Variants in USP32 observed in about 807,000 individuals in gnomAD.
USP32 encodes ubiquitin carboxyl-terminal hydrolase 32.
A neutral mutation model predicts 204.8 loss-of-function variants in USP32; 59 were observed. The ratio of observed to expected loss-of-function variants is 0.29; its 90% CI spans 0.23 to 0.36. The LOEUF is 0.36. Ranked by LOEUF, USP32 falls within the 10% of genes least tolerant of loss-of-function variation. USP32 has a pLI of 1.00. For synonymous variants in USP32, 517 were observed against 678.4 expected, an observed-to-expected ratio of 0.76 and a Z score of 3.70; for missense variants, 1,160 against 1,946.4, an observed-to-expected ratio of 0.60 and a Z score of 7.60.
intron 31 of USP32, among the ~76,000 whole-genome samples, chr17:60,182,646 C>T (rs542088161): frequency 9.2e-5 from 14 of 152,062 alleles, no homozygotes; most frequent in African/African-American, 2.7e-4. Flanking sequence ...GCCTGTAGTC[C>T]CAGCTACTCA....
In USP32 at chr17:60,246,413, A is replaced by ATAT. The variant is rs1203917798; in HGVS notation, c.1136+5967_1136+5968insATA. ...TATGTGTGTGTGTATATATATATAT[A>ATAT]TTTTTTTTTTTTCTTTATCCATTCA... is the stretch of plus-strand genomic sequence containing the variant. On this transcript the variant is annotated intron_variant, in intron 11 of 33. Coordinates refer to ENST00000300896, the MANE Select transcript of USP32 (RefSeq NM_032582.4). 5.2e-3 allele frequency among the ~76,000 whole-genome samples: 746 copies of ATAT among 142,720 alleles called. 7 individuals are homozygous for ATAT. Among genetic ancestry groups the ATAT allele is most frequent in the African/African-American group, 0.018 (684 of 38,484 alleles). The allele number at this position is 142,720 out of a possible 152,430, so 93.6% of individuals were successfully genotyped here.
At chr17:60,236,053 T>G (rs1598115361) in intron 12 of USP32, 85 bp downstream of exon 12, 241 of 1,034,962 alleles carry the variant, frequency 2.3e-4, no homozygotes, top group African/African-American at 1.6e-5. Context: ...TATTGGCTGG[T>G]AGTCATAGCA....
At chr17:60,388,859 T>C (rs535492373) in intron 1 of USP32, among the ~76,000 whole-genome samples, 2 of 152,226 alleles carry the variant, frequency 1.3e-5, no homozygotes, top group East Asian at 3.8e-4. Flanking sequence ...CTGAAGTCAC[T>C]AGACTGCCCT....
intron 4 of USP32, 50 bp downstream of exon 4, chr17:60,294,633 G>A (rs777512232): frequency 8.0e-7 from 1 of 1,253,278 alleles, no homozygotes; most frequent in South Asian, 1.3e-5. Flanking sequence ...ACAACTAAGA[G>A]TTAATACTTT....
At chr17:60,400,233 G>A (rs1430890607) in intron 1 of USP32, among the ~76,000 whole-genome samples, 1 of 152,182 alleles carries the variant, frequency 6.6e-6, no homozygotes, top group East Asian at 1.9e-4. Flanking sequence ...CAGAAATTCT[G>A]AGATTACAGG....
chr17:60,409,329 C>T (rs1387528433), intron 1 of USP32, among the ~76,000 whole-genome samples: 1 of 152,208 alleles, frequency 6.6e-6, no homozygotes, highest in Non-Finnish European at 1.5e-5. Flanking sequence ...GCCTATGCAA[C>T]AGAGCGAGAC....
chr17:60,285,334 T>C (rs935936631), intron 5 of USP32, among the ~76,000 whole-genome samples: 8 of 152,204 alleles, frequency 5.3e-5, no homozygotes, highest in African/African-American at 1.9e-4. Flanking sequence ...TGAAAAGTAG[T>C]AGAATCAAGC....
chr17:60,323,245 T>C (rs1439377113), intron 2 of USP32, among the ~76,000 whole-genome samples: 1 of 151,444 alleles, frequency 6.6e-6, no homozygotes, highest in Non-Finnish European at 1.5e-5. Context: ...AACCCAAATA[T>C]TCATTAACTG....
rs1337724047 is a variant in USP32, at chr17:60,206,895, T to C, written c.3037+126A>G. ...AAAAAATATGGAATAATCAGTAAGGTTTCCCTTGGGTTCCAAAATTCTTCT... is the reference window on the plus strand; with the variant it reads ...AAAAAATATGGAATAATCAGTAAGGCTTCCCTTGGGTTCCAAAATTCTTCT... On this transcript the variant is annotated intron_variant, in intron 25 of 33. Coordinates refer to ENST00000300896, the MANE Select transcript of USP32 (RefSeq NM_032582.4). 1.3e-5 allele frequency: 19 copies of C among 1,450,086 alleles called. No individual in the cohort carries two copies. The East Asian group carries it at 4.2e-4, about 32-fold the overall frequency. 89.8% of individuals were successfully genotyped at this position (1,450,086 alleles called of 1,614,324 possible).
intron 28 of USP32, among the ~76,000 whole-genome samples, chr17:60,191,400 TAAAAAAAA>T (rs1158204624): frequency 1.7e-5 from 1 of 58,412 alleles, no homozygotes; most frequent in Non-Finnish European, 3.7e-5. Context: ...AGACTCTGTT[TAAAAAAAA>T]AAAAAAAAAA....
intron 5 of USP32, among the ~76,000 whole-genome samples, chr17:60,282,339 C>G (rs575132444): frequency 4.0e-4 from 61 of 152,012 alleles, no homozygotes; most frequent in Non-Finnish European, 7.9e-4. Context: ...AATTCATTTC[C>G]CCCTAAAAAC....
rs2084167420 is a variant in USP32, at chr17:60,183,467, G to A, written c.3835-14C>T. 6.4e-7 allele frequency: 1 copy of A among 1,574,790 alleles called. No individual in the cohort carries two copies. Among genetic ancestry groups the A allele is most frequent in the Non-Finnish European group, 8.6e-7 (1 of 1,159,996 alleles). On this transcript the variant is annotated splice_polypyrimidine_tract_variant and intron_variant, in intron 30 of 33. Transcript: ENST00000300896. ...AAGGTGAATAATCTGGAGAAGTAAAGGTAGAAAACATCTGCATTAAAGGGT... is the reference window on the plus strand; with the variant it reads ...AAGGTGAATAATCTGGAGAAGTAAAAGTAGAAAACATCTGCATTAAAGGGT...
intron 1 of USP32, among the ~76,000 whole-genome samples, chr17:60,417,695 C>A (rs2090072939): frequency 6.6e-6 from 1 of 152,102 alleles, no homozygotes; most frequent in African/African-American, 2.4e-5. Context: ...CTCAAGTGAT[C>A]CGCCTGCCTC....
At chr17:60,402,676 A>G (rs1020675213) in intron 1 of USP32, among the ~76,000 whole-genome samples, 1 of 152,254 alleles carries the variant, frequency 6.6e-6, no homozygotes, top group Non-Finnish European at 1.5e-5. Context: ...TTGCTTCATA[A>G]GAAATTATTC....
At chr17:60,206,117 G>A (rs201382281) in intron 25 of USP32, among the ~76,000 whole-genome samples, 44 of 145,656 alleles carry the variant, frequency 3.0e-4, no homozygotes, top group African/African-American at 9.5e-4. Context: ...CCAGGAGCTA[G>A]TGACCAGCCT....
chr17:60,271,308 T>C lies in USP32; in HGVS notation c.703+42A>G, dbSNP rs1017248389. 1.9e-6 allele frequency: 3 copies of C among 1,604,562 alleles called. 1 individual carries two copies. The highest frequency in any genetic ancestry group is 3.3e-4 in the Middle Eastern group (2 of 6,018). On this transcript the variant is annotated intron_variant, in intron 6 of 33. Coordinates refer to ENST00000300896, the MANE Select transcript of USP32 (RefSeq NM_032582.4). ...TACAAATATGAGATGGGCTCAGGTATGTTTACCAGTGAACATATGTAGAAA... is the reference window on the plus strand; with the variant it reads ...TACAAATATGAGATGGGCTCAGGTACGTTTACCAGTGAACATATGTAGAAA...
Position 60,386,018 on chromosome 17 carries a change from A to AACACACAC in USP32, c.58+5856_58+5863dup, listed in dbSNP as rs146544566. On this transcript the variant is annotated intron_variant, in intron 1 of 33. Coordinates refer to ENST00000300896, the MANE Select transcript of USP32 (RefSeq NM_032582.4). ...AGAAAATTCTATTCTATTGCTGCAT[A>AACACACAC]ACACACACACACACACACAACACAA... Among the ~76,000 whole-genome samples, 188 of 149,604 alleles carry AACACACAC rather than the reference A, an allele frequency of 1.3e-3. 1 individual carries two copies. Among genetic ancestry groups the AACACACAC allele is most frequent in the African/African-American group, 4.3e-3 (175 of 41,122 alleles).
chr17:60,272,730 C>T (rs1438862481), intron 5 of USP32, among the ~76,000 whole-genome samples: 2 of 152,108 alleles, frequency 1.3e-5, no homozygotes, highest in African/African-American at 2.4e-5. Context: ...AGTCACTTTC[C>T]AGACCTAAAC....
At chr17:60,293,908 A>G (rs2087352773) in intron 4 of USP32, among the ~76,000 whole-genome samples, 1 of 152,238 alleles carries the variant, frequency 6.6e-6, no homozygotes, top group African/African-American at 2.4e-5. Context: ...TTTTTACTCT[A>G]CAATCACTAA....
Sources: gnomAD v4.1 joint callset for allele counts (sites outside exome capture counted in the v4.1 genomes callset) on GRCh38, gnomAD v4.1.1 for gene constraint, MANE v1.5 for transcripts, NCBI Gene and HGNC (gene_info 2026-07-23, HGNC 2026-07-21) for gene names.